Variants in CSMD1 observed in about 807,000 individuals in gnomAD.
The protein encoded by CSMD1 is CUB and sushi domain-containing protein 1.
CSMD1 carries 213 observed loss-of-function variants against 417.5 expected under a neutral mutation model. The ratio of observed to expected loss-of-function variants is 0.51; its 90% confidence interval spans 0.46 to 0.57. CSMD1 has a LOEUF of 0.57. Ranked by LOEUF, CSMD1 falls within the 20% of genes least tolerant of loss-of-function variation. The pLI, the probability that CSMD1 is intolerant of heterozygous loss-of-function variation, is 0.00. For synonymous variants in CSMD1, 2,862 were observed against 1,736.8 expected, an observed-to-expected ratio of 1.65 and a Z score of -16.11; for missense variants, 6,923 against 4,529.7, an observed-to-expected ratio of 1.53 and a Z score of -15.17.
intron 50 of CSMD1, among the ~76,000 whole-genome samples, chr8:3,041,515 T>C (rs998115072): frequency 3.3e-5 from 5 of 152,370 alleles, no homozygotes; most frequent in Middle Eastern, 6.8e-3. Flanking sequence ...GTTATTTCTT[T>C]TTCTTTTGAA....
At chr8:3,377,152 G>T (rs1317086324) in intron 18 of CSMD1, among the ~76,000 whole-genome samples, 1 of 152,144 alleles carries the variant, frequency 6.6e-6, no homozygotes, top group Non-Finnish European at 1.5e-5. Flanking sequence ...GGGACTATAG[G>T]CACATGCCAA....
chr8:4,063,584 G>A (rs952243855), intron 3 of CSMD1, among the ~76,000 whole-genome samples: 4 of 152,088 alleles, frequency 2.6e-5, no homozygotes, highest in East Asian at 1.9e-4. Flanking sequence ...ATATTCCTTG[G>A]CACTGACAAG....
chr8:4,174,614 A>G (rs764229170), intron 3 of CSMD1, among the ~76,000 whole-genome samples: 1 of 148,852 alleles, frequency 6.7e-6, no homozygotes, highest in Non-Finnish European at 1.5e-5. Context: ...CTTTTATAAT[A>G]ATTAAAACAA....
At chr8:4,588,844 C>T (rs1159346315) in intron 2 of CSMD1, among the ~76,000 whole-genome samples, 1 of 151,790 alleles carries the variant, frequency 6.6e-6, no homozygotes, top group African/African-American at 2.4e-5. Flanking sequence ...TGTTCACAGG[C>T]TGCTGCTCAA....
At chr8:4,481,641 C>G (rs960298592) in intron 2 of CSMD1, among the ~76,000 whole-genome samples, 1 of 152,006 alleles carries the variant, frequency 6.6e-6, no homozygotes, top group African/African-American at 2.4e-5. Flanking sequence ...ATAAAAGCAC[C>G]AAGAGGTTAA....
chr8:3,450,599 A>T (rs1390302494), intron 12 of CSMD1, among the ~76,000 whole-genome samples: 1 of 151,920 alleles, frequency 6.6e-6, no homozygotes, highest in African/African-American at 2.4e-5. Flanking sequence ...TTTCCTGAGA[A>T]TCATGGTTTC....
At chr8:4,104,082 A>G (rs1801441778) in intron 3 of CSMD1, among the ~76,000 whole-genome samples, 1 of 152,176 alleles carries the variant, frequency 6.6e-6, no homozygotes, top group Non-Finnish European at 1.5e-5. Flanking sequence ...CTCCCTCAAG[A>G]CACACAAATG....
At chr8:3,456,957 C>A (rs1329625725) in intron 12 of CSMD1, among the ~76,000 whole-genome samples, 2 of 151,974 alleles carry the variant, frequency 1.3e-5, no homozygotes, top group East Asian at 1.9e-4. Context: ...CCCTACACAC[C>A]CTCATCCTGC....
At chr8:3,736,692 G>A (rs1167055460) in intron 6 of CSMD1, among the ~76,000 whole-genome samples, 1 of 152,212 alleles carries the variant, frequency 6.6e-6, no homozygotes, top group Non-Finnish European at 1.5e-5. Flanking sequence ...GCAGAATGGA[G>A]CTGGGGATAA....
intron 1 of CSMD1, among the ~76,000 whole-genome samples, chr8:4,694,352 TA>T (rs1473938344): frequency 1.3e-5 from 2 of 152,062 alleles, no homozygotes; most frequent in Non-Finnish European, 2.9e-5. Context: ...TTCTTTTTTT[TA>T]TTTTTTTTAT....
intron 21 of CSMD1, among the ~76,000 whole-genome samples, chr8:3,354,502 G>GT (rs1292629940): frequency 6.6e-6 from 1 of 152,044 alleles, no homozygotes; most frequent in Non-Finnish European, 1.5e-5. Flanking sequence ...AGTTCATTGT[G>GT]TTCTACGCAA....
At chr8:2,956,286 T>C (rs1803003076) in intron 63 of CSMD1, among the ~76,000 whole-genome samples, 4 of 152,160 alleles carry the variant, frequency 2.6e-5, no homozygotes, top group South Asian at 2.1e-4. Flanking sequence ...AGAAACTTAA[T>C]ATAGATTCTT....
intron 7 of CSMD1, among the ~76,000 whole-genome samples, chr8:3,672,909 A>G (rs1799154320): frequency 6.6e-6 from 1 of 152,180 alleles, no homozygotes; most frequent in Admixed American, 6.5e-5. Flanking sequence ...TCTATCTTAA[A>G]AAGCCTTTTC....
At chr8:4,431,545 T>C (rs1193632135) in intron 2 of CSMD1, among the ~76,000 whole-genome samples, 1 of 152,106 alleles carries the variant, frequency 6.6e-6, no homozygotes, top group Non-Finnish European at 1.5e-5. Context: ...ACCCTGATAA[T>C]CTACACCAGC....
chr8:4,258,136 G>C (rs929521807), intron 3 of CSMD1, among the ~76,000 whole-genome samples: 35 of 150,700 alleles, frequency 2.3e-4, no homozygotes, highest in African/African-American at 8.1e-4. Context: ...GTAGAGATGA[G>C]GTCTCACCAT....
intron 4 of CSMD1, among the ~76,000 whole-genome samples, chr8:4,023,108 G>T (rs1796871406): frequency 6.6e-6 from 1 of 152,246 alleles, no homozygotes; most frequent in Non-Finnish European, 1.5e-5. Flanking sequence ...CTAATGCAGT[G>T]GATGTACAGG....
intron 3 of CSMD1, among the ~76,000 whole-genome samples, chr8:4,106,025 C>T (rs1034848574): frequency 6.6e-6 from 1 of 152,194 alleles, no homozygotes; most frequent in African/African-American, 2.4e-5. Flanking sequence ...GCCACCATCT[C>T]CACTGCATCA....
rs73660808 is a variant in CSMD1 at position 4,440,530 on chromosome 8, C to G, written c.303-20465G>C. 3.3e-3 allele frequency among the ~76,000 whole-genome samples: 501 copies of G among 152,226 alleles called. 3 individuals are homozygous for G. The highest frequency in any genetic ancestry group is 0.011 in the African/African-American group (476 of 41,534). On this transcript the variant is annotated intron_variant, in intron 2 of 69. Coordinates refer to ENST00000635120, the MANE Select transcript of CSMD1 (RefSeq NM_033225.6). ...ATTTCTATGGATATAAAGACATGTA[C>G]AGATAACATTGCTGACATGCATATC...
At chr8:4,100,739 G>A (rs2130877406) in intron 3 of CSMD1, among the ~76,000 whole-genome samples, 1 of 152,196 alleles carries the variant, frequency 6.6e-6, no homozygotes, top group South Asian at 2.1e-4. Flanking sequence ...CTGTTCTAGG[G>A]AGCTGCAGGG....
Sources: allele counts gnomAD v4.1 joint callset (sites outside exome capture counted in the v4.1 genomes callset), GRCh38; gene constraint gnomAD v4.1.1; transcripts MANE v1.5; gene names NCBI Gene and HGNC (gene_info 2026-07-23, HGNC 2026-07-21).